PRKCA: variants seen among roughly 807,000 people sequenced by gnomAD.
The protein encoded by PRKCA is protein kinase C alpha, also known as protein kinase C alpha type.
Under a neutral mutation model 87.0 loss-of-function variants are expected in PRKCA, and 27 were observed. The observed-to-expected ratio is 0.31, with a 90% confidence interval of 0.23 to 0.43. The LOEUF is 0.43. Ranked by LOEUF, PRKCA falls within the 20% of genes least tolerant of loss-of-function variation. PRKCA has a pLI of 1.00. For synonymous variants in PRKCA, 329 were observed against 311.1 expected (o/e 1.06, Z -0.61); for missense variants, 518 against 852.3 (o/e 0.61, Z 4.88).
intron 2 of PRKCA, among the ~76,000 whole-genome samples, chr17:66,420,650 A>AT (rs1227088625): frequency 6.6e-6 from 1 of 152,184 alleles, no homozygotes; most frequent in African/African-American, 2.4e-5. Flanking sequence ...TGTTAGGTGT[A>AT]TTAAATGCAC....
At chr17:66,618,410 C>G (rs1419826155) in intron 3 of PRKCA, among the ~76,000 whole-genome samples, 1 of 148,598 alleles carries the variant, frequency 6.7e-6, no homozygotes, top group Non-Finnish European at 1.5e-5. Context: ...TCATTTTTTT[C>G]TAAGTGTATA....
At chr17:66,307,625 G>A (rs1280070994) in intron 2 of PRKCA, among the ~76,000 whole-genome samples, 1 of 152,070 alleles carries the variant, frequency 6.6e-6, no homozygotes, top group Non-Finnish European at 1.5e-5. Context: ...AATAAGGTTG[G>A]TTCCTCTTAG....
chr17:66,418,852 C>T (rs987902414), intron 2 of PRKCA, among the ~76,000 whole-genome samples: 8 of 151,968 alleles, frequency 5.3e-5, no homozygotes, highest in East Asian at 1.9e-4. Context: ...TCTGTGTTCA[C>T]GCCATTCTCC....
At chr17:66,707,198 G>T (rs1284925199) in intron 8 of PRKCA, among the ~76,000 whole-genome samples, 1 of 152,084 alleles carries the variant, frequency 6.6e-6, no homozygotes. Context: ...TCAGTCCTAG[G>T]CTTTTCAAAT....
intron 3 of PRKCA, among the ~76,000 whole-genome samples, chr17:66,546,878 A>G (rs985977131): frequency 1.3e-5 from 2 of 152,114 alleles, no homozygotes; most frequent in African/African-American, 4.8e-5. Context: ...ACTTTCCAAC[A>G]ATATTATACC....
intron 14 of PRKCA, chr17:66,777,792 G>A (rs1217337072): frequency 6.1e-6 from 6 of 985,206 alleles, no homozygotes; most frequent in African/African-American, 1.7e-5. Flanking sequence ...TTCCGAGGGC[G>A]CTTTACAAGA....
intron 2 of PRKCA, among the ~76,000 whole-genome samples, chr17:66,407,681 T>C (rs1872710389): frequency 1.3e-5 from 2 of 152,138 alleles, no homozygotes; most frequent in African/African-American, 4.8e-5. Flanking sequence ...GTGATTCTGC[T>C]ACTCTGAAAA....
chr17:66,342,450 T>G (rs1598604188), intron 2 of PRKCA, among the ~76,000 whole-genome samples: 1 of 48,800 alleles, frequency 2.0e-5, no homozygotes, highest in African/African-American at 6.0e-5. Context: ...TAAATAATAA[T>G]AATAATAATA....
chr17:66,776,066 C>T (rs1975039176), intron 14 of PRKCA, among the ~76,000 whole-genome samples: 1 of 152,200 alleles, frequency 6.6e-6, no homozygotes, highest in Non-Finnish European at 1.5e-5. Flanking sequence ...CGCGAAGGCC[C>T]TAAGGCCAGG....
chr17:66,321,124 C>T (rs746810049), intron 2 of PRKCA, among the ~76,000 whole-genome samples: 2 of 152,120 alleles, frequency 1.3e-5, no homozygotes, highest in Non-Finnish European at 2.9e-5. Flanking sequence ...ATGCTTTTTT[C>T]AATGTTTATT....
chr17:66,453,301 C>T (rs942744407), intron 2 of PRKCA, among the ~76,000 whole-genome samples: 2 of 151,854 alleles, frequency 1.3e-5, no homozygotes, highest in Non-Finnish European at 2.9e-5. Flanking sequence ...CCTTGGGTCC[C>T]GTGATCCTTT....
intron 3 of PRKCA, among the ~76,000 whole-genome samples, chr17:66,622,365 G>A (rs575997889): frequency 8.5e-5 from 13 of 152,248 alleles, no homozygotes; most frequent in East Asian, 5.8e-4. Flanking sequence ...AAACAGATAC[G>A]TTTACCATCA....
intron 2 of PRKCA, among the ~76,000 whole-genome samples, chr17:66,337,119 T>C (rs1190974210): frequency 1.3e-5 from 2 of 151,882 alleles, no homozygotes; most frequent in Non-Finnish European, 2.9e-5. Flanking sequence ...GATGTAGGAA[T>C]CTGTTTAATT....
At chr17:66,801,534 A>G (rs1306913237) in intron 16 of PRKCA, among the ~76,000 whole-genome samples, 2 of 152,226 alleles carry the variant, frequency 1.3e-5, no homozygotes, top group Non-Finnish European at 2.9e-5. Context: ...CAGACTCCCG[A>G]TTAATTTCTA....
At chr17:66,505,495 G>A (rs1425841272) in intron 3 of PRKCA, among the ~76,000 whole-genome samples, 1 of 152,204 alleles carries the variant, frequency 6.6e-6, no homozygotes, top group Non-Finnish European at 1.5e-5. Context: ...CTAGGTTGTA[G>A]TTCCTACCTC....
At chr17:66,534,238 GGAATT>G (rs1411366998) in intron 3 of PRKCA, among the ~76,000 whole-genome samples, 1 of 152,124 alleles carries the variant, frequency 6.6e-6, no homozygotes, top group African/African-American at 2.4e-5. Context: ...ACTAGCAGGC[GGAATT>G]GGGGTCTCTG....
At chr17:66,434,828 C>T (rs1282140294) in intron 2 of PRKCA, among the ~76,000 whole-genome samples, 1 of 152,132 alleles carries the variant, frequency 6.6e-6, no homozygotes, top group Non-Finnish European at 1.5e-5. Context: ...TTACTACCTA[C>T]CTTGTGGGGT....
chr17:66,380,583 G>A (rs988014362), intron 2 of PRKCA, among the ~76,000 whole-genome samples: 19 of 151,980 alleles, frequency 1.3e-4, no homozygotes, highest in Admixed American at 2.0e-4. Context: ...GTTAAATACT[G>A]CTATATTTTT....
At chr17:66,551,115 T>A (rs894072841) in intron 3 of PRKCA, among the ~76,000 whole-genome samples, 2 of 152,136 alleles carry the variant, frequency 1.3e-5, no homozygotes, top group African/African-American at 4.8e-5. Context: ...CAGGCTGGAG[T>A]GCAGTGGCAC....
Sources: allele counts gnomAD v4.1 joint callset (sites outside exome capture counted in the v4.1 genomes callset), GRCh38; gene constraint gnomAD v4.1.1; transcripts MANE v1.5; gene names NCBI Gene and HGNC (gene_info 2026-07-23, HGNC 2026-07-21).